The following TXNL1 variants were observed in gnomAD, a reference collection of about 807,000 sequenced individuals.
TXNL1 encodes the protein thioredoxin like 1.
In TXNL1, 14 loss-of-function variants were observed where a neutral mutation model predicts 35.5. That is an observed-to-expected ratio of 0.39 (90% CI 0.26 to 0.62). TXNL1 has a LOEUF of 0.62. Ranked by LOEUF, TXNL1 falls within the 20% of genes least tolerant of loss-of-function variation. The pLI, the probability that TXNL1 is intolerant of heterozygous loss-of-function variation, is 0.47. For missense variants in TXNL1, 263 were observed against 349.7 expected (o/e 0.75, Z 1.98); for synonymous variants, 110 against 115.5 (o/e 0.95, Z 0.31).
At chr18:56,638,301 G>T (rs781255859) in intron 1 of TXNL1, 42 bp downstream of exon 1, 3 of 1,566,128 alleles carry the variant, frequency 1.9e-6, no homozygotes, top group African/African-American at 1.4e-5. Context: ...GGAAAGCAAG[G>T]AAGGACAGAC....
chr18:56,633,734 C>G (rs1163721866), intron 1 of TXNL1, among the ~76,000 whole-genome samples: 2 of 151,762 alleles, frequency 1.3e-5, no homozygotes, highest in Non-Finnish European at 2.9e-5. Flanking sequence ...ACCTGTAATC[C>G]CAGCACTTTG....
In TXNL1 at chr18:56,599,130, T is replaced by C. The variant is rs1231104077; in HGVS notation, c.*3897A>G. On this transcript the variant is annotated 3_prime_UTR_variant, in exon 8 of 8. Coordinates refer to ENST00000217515, the MANE Select transcript of TXNL1 (RefSeq NM_004786.3). ...CCAAGCTGTGTACAATTTTAGTACA[T>C]TCAAATTCTAAAGGTTATCTCTTTA... 1 of 152,218 alleles carries C rather than the reference T, an allele frequency of 6.6e-6. No individual in the cohort carries two copies. The highest frequency in any genetic ancestry group is 1.9e-4 in the East Asian group (1 of 5,192). 9.4% of individuals were successfully genotyped at this position (152,218 alleles called of 1,614,324 possible). A position where few individuals can be genotyped will look rare whatever the true frequency, so the allele number is the denominator to read the frequency against.
chr18:56,605,547 A>C (rs1302485216), intron 7 of TXNL1, among the ~76,000 whole-genome samples: 1 of 152,142 alleles, frequency 6.6e-6, no homozygotes, highest in Non-Finnish European at 1.5e-5. Context: ...ATTTTTATAA[A>C]ATTGTAATTA....
intron 4 of TXNL1, 84 bp downstream of exon 4, chr18:56,617,920 C>T (rs976559226): frequency 9.9e-6 from 15 of 1,513,468 alleles, no homozygotes; most frequent in African/African-American, 6.9e-5. Context: ...GAAGGAGAGA[C>T]GTAAGCCACA....
chr18:56,600,263 C>T lies in TXNL1; in HGVS notation c.*2764G>A, dbSNP rs981784810. On this transcript the variant is annotated 3_prime_UTR_variant, in exon 8 of 8. Transcript: ENST00000217515. ...CCTCAAACATTGAGACAAAGGATGG[C>T]AGACAGGTTTCAACTCTAATTGTTA... The T allele has an allele frequency of 1.3e-5, 2 of 152,286 alleles. No individual in the cohort carries two copies. The highest frequency in any genetic ancestry group is 2.9e-5 in the Non-Finnish European group (2 of 68,110). 9.4% of individuals were successfully genotyped at this position (152,286 alleles called of 1,614,324 possible). A position where few individuals can be genotyped will look rare whatever the true frequency, so the allele number is the denominator to read the frequency against.
chr18:56,616,161 C>G (rs543516532), intron 5 of TXNL1, 84 bp downstream of exon 5: 2 of 1,209,018 alleles, frequency 1.7e-6, no homozygotes, highest in Admixed American at 4.7e-5. Context: ...AAACAAGTAC[C>G]TCTATTTAAT....
intron 7 of TXNL1, among the ~76,000 whole-genome samples, chr18:56,603,538 T>C (rs980488842): frequency 6.6e-6 from 1 of 152,132 alleles, no homozygotes. Flanking sequence ...TAAAAGTGAC[T>C]AATTTTTTCT....
At chr18:56,623,924 A>G (rs775385074) in intron 3 of TXNL1, among the ~76,000 whole-genome samples, 6 of 152,152 alleles carry the variant, frequency 3.9e-5, no homozygotes, top group African/African-American at 9.7e-5. Context: ...GTCATTTTAC[A>G]TAACTGTCAA....
intron 6 of TXNL1, among the ~76,000 whole-genome samples, chr18:56,611,425 C>G (rs1196573208): frequency 6.6e-6 from 1 of 151,524 alleles, no homozygotes; most frequent in Non-Finnish European, 1.5e-5. Context: ...TCGCTTGAAT[C>G]CAGGAGGTGG....
At chr18:56,615,149 A>G (rs1281016830) in intron 5 of TXNL1, among the ~76,000 whole-genome samples, 2 of 152,202 alleles carry the variant, frequency 1.3e-5, no homozygotes, top group South Asian at 2.1e-4. Context: ...TAAGTGGTAA[A>G]GTCCCATGTA....
chr18:56,599,927 A>C lies in TXNL1; in HGVS notation c.*3100T>G, dbSNP rs2023790488. The C allele has an allele frequency of 6.6e-6, 1 of 152,224 alleles. No individual in the cohort carries two copies. Among genetic ancestry groups the C allele is most frequent in the Non-Finnish European group, 1.5e-5 (1 of 68,048 alleles). 9.4% of individuals were successfully genotyped at this position (152,224 alleles called of 1,614,324 possible). ...TAAGATTACAAATTATCAGTTCCAG[A>C]AGAGATATACCTAACACAAAAATTA... On this transcript the variant is annotated 3_prime_UTR_variant, in exon 8 of 8. Coordinates refer to ENST00000217515, the MANE Select transcript of TXNL1 (RefSeq NM_004786.3).
intron 3 of TXNL1, among the ~76,000 whole-genome samples, chr18:56,619,670 G>A (rs2024150257): frequency 6.6e-6 from 1 of 151,780 alleles, no homozygotes; most frequent in African/African-American, 2.4e-5. Flanking sequence ...GTCAGCACAT[G>A]CCCATCTCTG....
intron 1 of TXNL1, among the ~76,000 whole-genome samples, chr18:56,631,674 T>A (rs530108165): frequency 1.7e-3 from 256 of 152,154 alleles, no homozygotes; most frequent in Middle Eastern, 0.01. Flanking sequence ...ATCCCAGCAC[T>A]GTGGGGAGGC....
At chr18:56,635,476 T>C (rs1239849081) in intron 1 of TXNL1, among the ~76,000 whole-genome samples, 1 of 152,200 alleles carries the variant, frequency 6.6e-6, no homozygotes, top group Non-Finnish European at 1.5e-5. Context: ...TGGATGAACC[T>C]TGAAAATACT....
At chr18:56,617,419 T>C (rs1436705548) in intron 4 of TXNL1, among the ~76,000 whole-genome samples, 3 of 152,168 alleles carry the variant, frequency 2.0e-5, no homozygotes, top group Non-Finnish European at 4.4e-5. Context: ...CTTTATATTT[T>C]AGAAAAATAA....
intron 2 of TXNL1, among the ~76,000 whole-genome samples, chr18:56,624,902 A>G (rs1015860775): frequency 2.0e-5 from 3 of 152,210 alleles, no homozygotes; most frequent in Non-Finnish European, 4.4e-5. Flanking sequence ...AGAGCATGTA[A>G]TGTATTTTGC....
intron 1 of TXNL1, among the ~76,000 whole-genome samples, chr18:56,629,357 A>G (rs983277600): frequency 6.6e-6 from 1 of 152,154 alleles, no homozygotes; most frequent in African/African-American, 2.4e-5. Flanking sequence ...GTGAAACCCC[A>G]TCTCTACTAA....
At chr18:56,630,456 C>G (rs534596148) in intron 1 of TXNL1, among the ~76,000 whole-genome samples, 1 of 152,192 alleles carries the variant, frequency 6.6e-6, no homozygotes, top group Non-Finnish European at 1.5e-5. Flanking sequence ...GGTGTAGGCA[C>G]TCTTATTTAA....
At position 56,601,213 on chromosome 18, in the gene TXNL1, T is replaced by G. The variant is rs993873578; in HGVS notation, c.*1814A>C. 2.6e-5 allele frequency: 4 copies of G among 152,216 alleles called. No homozygotes were observed. Among genetic ancestry groups the G allele is most frequent in the Admixed American group, 2.6e-4 (4 of 15,284 alleles). The allele number at this position is 152,216 out of a possible 1,614,324, so 9.4% of individuals were successfully genotyped here. On this transcript the variant is annotated 3_prime_UTR_variant, in exon 8 of 8. Coordinates refer to ENST00000217515, the MANE Select transcript of TXNL1 (RefSeq NM_004786.3). ...CATTTATAATAGTAAGATTTCCCAT[T>G]AAGTGAAACGTTATAGTTACCTATA...
Sources: gnomAD v4.1 joint callset for allele counts (sites outside exome capture counted in the v4.1 genomes callset) on GRCh38, gnomAD v4.1.1 for gene constraint, MANE v1.5 for transcripts, NCBI Gene and HGNC (gene_info 2026-07-23, HGNC 2026-07-21) for gene names.